Variants in ACER3 observed in about 807,000 individuals in gnomAD.
The protein encoded by ACER3 is alkaline ceramidase 3, also known as alkCDase 3.
ACER3 carries 16 observed loss-of-function variants against 48.9 expected under a neutral mutation model. The observed-to-expected ratio is 0.33, with a 90% CI of 0.22 to 0.50. ACER3 has a LOEUF of 0.50. ACER3 is among the 20% of genes least tolerant of loss of function. The pLI, the probability that ACER3 is intolerant of heterozygous loss-of-function variation, is 0.98. For synonymous variants in ACER3, 109 were observed against 107.8 expected, an observed-to-expected ratio of 1.01 and a Z score of -0.07; for missense variants, 227 against 326.0, an observed-to-expected ratio of 0.70 and a Z score of 2.34.
In ACER3 at chr11:76,968,173, G is replaced by A. The variant is rs553080962; in HGVS notation, c.268-8116G>A. ...ACAGACAAACAGAGAGCCAAATCAT[G>A]AGTGAACTCCCATTCACAATTGCTT... On this transcript the variant is annotated intron_variant, in intron 3 of 10. Transcript: ENST00000532485. 5.6e-3 allele frequency among the ~76,000 whole-genome samples: 850 copies of A among 151,574 alleles called. 9 individuals are homozygous for A. Among genetic ancestry groups the A allele is most frequent in the African/African-American group, 0.019 (793 of 41,438 alleles).
intron 3 of ACER3, among the ~76,000 whole-genome samples, chr11:76,960,192 C>T (rs898197603): frequency 2.6e-5 from 4 of 151,948 alleles, no homozygotes; most frequent in Admixed American, 6.6e-5. Flanking sequence ...GGGTGGATCA[C>T]GAGGTCAGGA....
At chr11:76,931,430 CTG>C (rs1488192010) in intron 2 of ACER3, among the ~76,000 whole-genome samples, 1 of 151,260 alleles carries the variant, frequency 6.6e-6, no homozygotes, top group Non-Finnish European at 1.5e-5. Flanking sequence ...ATTTGCCAGC[CTG>C]TGTCTTTTAA....
intron 2 of ACER3, among the ~76,000 whole-genome samples, chr11:76,935,266 G>A (rs1356456): frequency 0.68 from 103,158 of 151,756 alleles, 35,442 homozygotes; most frequent in Non-Finnish European, 0.74. Context: ...AAGATCCAAC[G>A]TGCATATAAT....
rs782245403 is a variant in ACER3, at chr11:77,016,690, G to A, written c.615G>A (p.Lys205=). ...FCESLRNFRK[K]VPPIIGITTQ... ...CTCCACACAGGAACTTTCGAAAGAA[G>A]GTACCACCTATCATAGGTATTACCA... is the stretch of plus-strand genomic sequence containing the variant. The change falls in exon 9 of 11, where the codon AAG becomes AAA. Residue 205 remains lysine (K), a synonymous_variant. Coordinates refer to ENST00000532485, the MANE Select transcript of ACER3 (RefSeq NM_018367.7). The A allele has an allele frequency of 1.8e-5, 28 of 1,577,300 alleles. No homozygotes were observed. The highest frequency in any genetic ancestry group is 2.2e-5 in the Non-Finnish European group (26 of 1,159,778).
At chr11:76,862,428 G>A (rs1353689091) in intron 1 of ACER3, among the ~76,000 whole-genome samples, 2 of 152,124 alleles carry the variant, frequency 1.3e-5, no homozygotes, top group Non-Finnish European at 2.9e-5. Context: ...ATTGGCAAAG[G>A]GATCATTTGT....
chr11:76,941,043 A>G (rs4016125), intron 2 of ACER3, among the ~76,000 whole-genome samples: 3 of 145,774 alleles, frequency 2.1e-5, no homozygotes, highest in Non-Finnish European at 3.0e-5. Flanking sequence ...ACACACACGC[A>G]CACACACACG....
intron 7 of ACER3, among the ~76,000 whole-genome samples, chr11:77,007,377 A>G (rs143163189): frequency 6.6e-6 from 1 of 152,282 alleles, no homozygotes; most frequent in East Asian, 1.9e-4. Flanking sequence ...GCACCACCTC[A>G]TTACTGCCAG....
intron 1 of ACER3, among the ~76,000 whole-genome samples, chr11:76,922,416 C>G (rs889862345): frequency 2.0e-5 from 3 of 152,076 alleles, no homozygotes; most frequent in Non-Finnish European, 4.4e-5. Context: ...TAGGGCACTC[C>G]TGAATGGTAA....
At chr11:76,921,608 A>C (rs1946687379) in intron 1 of ACER3, among the ~76,000 whole-genome samples, 1 of 151,794 alleles carries the variant, frequency 6.6e-6, no homozygotes, top group South Asian at 2.1e-4. Flanking sequence ...TAGTGTAAAT[A>C]CTCCAGGTTT....
chr11:76,900,117 C>G (rs141406468), intron 1 of ACER3, among the ~76,000 whole-genome samples: 2 of 152,142 alleles, frequency 1.3e-5, no homozygotes, highest in Non-Finnish European at 2.9e-5. Context: ...TTGCTTGAGG[C>G]CAAGAGTTCA....
chr11:76,872,367 C>T (rs1473805242), intron 1 of ACER3, among the ~76,000 whole-genome samples: 1 of 152,148 alleles, frequency 6.6e-6, no homozygotes, highest in Non-Finnish European at 1.5e-5. Flanking sequence ...TGAGCCACCA[C>T]ACCCAGTCTT....
At chr11:76,968,343 A>G (rs1317809255) in intron 3 of ACER3, among the ~76,000 whole-genome samples, 1 of 152,088 alleles carries the variant, frequency 6.6e-6, no homozygotes, top group Non-Finnish European at 1.5e-5. Context: ...GGAAGAATCA[A>G]TATCGTGAAA....
At chr11:77,015,567 T>C (rs1426059406) in intron 8 of ACER3, among the ~76,000 whole-genome samples, 3 of 152,228 alleles carry the variant, frequency 2.0e-5, no homozygotes, top group Non-Finnish European at 4.4e-5. Flanking sequence ...GTTTGAATCT[T>C]AGACTTAGGT....
chr11:76,996,212 G>A (rs578194789), intron 6 of ACER3, among the ~76,000 whole-genome samples: 1 of 152,008 alleles, frequency 6.6e-6, no homozygotes, highest in East Asian at 1.9e-4. Context: ...CCACTTCTCT[G>A]CATCTCCCCT....
chr11:76,965,943 A>C (rs1046642983), intron 3 of ACER3, among the ~76,000 whole-genome samples: 1 of 151,324 alleles, frequency 6.6e-6, no homozygotes, highest in African/African-American at 2.5e-5. Context: ...GACAGGATCA[A>C]ATTCACACAT....
At chr11:76,929,463 T>G (rs1465472423) in intron 2 of ACER3, among the ~76,000 whole-genome samples, 2 of 152,238 alleles carry the variant, frequency 1.3e-5, no homozygotes, top group Non-Finnish European at 2.9e-5. Flanking sequence ...TTCTTTCTCC[T>G]GCCTGATTGC....
At chr11:76,869,808 A>C (rs1012393282) in intron 1 of ACER3, among the ~76,000 whole-genome samples, 1 of 152,194 alleles carries the variant, frequency 6.6e-6, no homozygotes, top group Non-Finnish European at 1.5e-5. Context: ...ATGTTATAGC[A>C]ATCAGAATTT....
intron 1 of ACER3, among the ~76,000 whole-genome samples, chr11:76,923,767 C>G (rs1946745437): frequency 6.6e-6 from 1 of 152,110 alleles, no homozygotes; most frequent in Non-Finnish European, 1.5e-5. Context: ...TATCCAATGC[C>G]CAGTGTGATA....
At chr11:77,005,770 A>G (rs1413571053) in intron 7 of ACER3, among the ~76,000 whole-genome samples, 2 of 151,318 alleles carry the variant, frequency 1.3e-5, no homozygotes, top group Non-Finnish European at 2.9e-5. Context: ...GGCCCACCCT[A>G]CTCTAATATA....
Sources: allele counts gnomAD v4.1 joint callset (sites outside exome capture counted in the v4.1 genomes callset), GRCh38; gene constraint gnomAD v4.1.1; transcripts MANE v1.5; gene names NCBI Gene and HGNC (gene_info 2026-07-23, HGNC 2026-07-21).